Variants in FILIP1 observed in about 807,000 individuals in gnomAD.
The protein encoded by FILIP1 is filamin A interacting protein 1.
Under a neutral mutation model 102.1 loss-of-function variants are expected in FILIP1, and 61 were observed. That is an observed-to-expected ratio of 0.60 (90% CI 0.49 to 0.74). The LOEUF (loss-of-function observed/expected upper bound fraction) is 0.74, where lower values mean the gene tolerates loss of function less well. Among genes scored for constraint, FILIP1 ranks in the 30% least tolerant of loss-of-function variants. FILIP1 has a pLI of 0.00. For missense variants in FILIP1, 1,314 were observed against 1,441.2 expected, an observed-to-expected ratio of 0.91 and a Z score of 1.43; for synonymous variants, 491 against 526.9, an observed-to-expected ratio of 0.93 and a Z score of 0.93.
At chr6:75,441,958 G>A (rs1446373996) in intron 1 of FILIP1, among the ~76,000 whole-genome samples, 1 of 151,760 alleles carries the variant, frequency 6.6e-6, no homozygotes, top group Non-Finnish European at 1.5e-5. Flanking sequence ...CCTCCCGGAC[G>A]GGGTGGCTGC....
intron 3 of FILIP1, among the ~76,000 whole-genome samples, chr6:75,360,472 C>T (rs867790129): frequency 2.0e-5 from 3 of 151,820 alleles, no homozygotes; most frequent in African/African-American, 7.3e-5. Context: ...AAGGAGAAAA[C>T]AAAAACAAAC....
At chr6:75,439,361 C>T (rs546785299) in intron 1 of FILIP1, among the ~76,000 whole-genome samples, 2 of 89,432 alleles carry the variant, frequency 2.2e-5, no homozygotes, top group Non-Finnish European at 4.6e-5. Flanking sequence ...AGCGAGACTC[C>T]GTCCAAAAAA....
Position 75,353,573 on chromosome 6 carries a change from C to T in FILIP1, c.595G>A (p.Asp199Asn), listed in dbSNP as rs1774883970. Residue 199 changes from aspartate to asparagine, a missense_variant, in exon 4 of 6, where the codon GAC (aspartate) becomes AAC (asparagine). Asp to Asn is a conservative substitution (Grantham distance 23). Around this residue, in one of 3 missense-constraint regions of FILIP1, gnomAD observed 494 missense variants for 511.2 expected, o/e 0.97. Coordinates refer to ENST00000237172, the MANE Select transcript of FILIP1 (RefSeq NM_015687.5). ...TCCTGCTCCAGCAGGTTGGTGAAGTCGTCGCTCTTGTTCATGTAGTCAGTG... is the reference window on the plus strand; with the variant it reads ...TCCTGCTCCAGCAGGTTGGTGAAGTTGTCGCTCTTGTTCATGTAGTCAGTG... ...KHTDYMNKSD[D>N]FTNLLEQERE... 8 of 1,614,126 alleles carry T rather than the reference C, an allele frequency of 5.0e-6. No homozygotes were observed. Among genetic ancestry groups the T allele is most frequent in the Non-Finnish European group, 6.8e-6 (8 of 1,180,032 alleles).
At chr6:75,293,664 T>C (rs1346671358) in exon 7 of FILIP1, 1 of 152,200 alleles carries the variant, frequency 6.6e-6, no homozygotes, top group Non-Finnish European at 1.5e-5. Context: ...ACATTTCTTA[T>C]AGTATTTTAA....
At chr6:75,329,864 C>A (rs1210004253) in intron 4 of FILIP1, among the ~76,000 whole-genome samples, 1 of 152,112 alleles carries the variant, frequency 6.6e-6, no homozygotes, top group East Asian at 1.9e-4. Context: ...GTGTAGTAAT[C>A]ACATCAGGGT....
downstream of FILIP1, among the ~76,000 whole-genome samples, chr6:75,303,864 A>G (rs1483316475): frequency 6.6e-6 from 1 of 152,184 alleles, no homozygotes; most frequent in African/African-American, 2.4e-5. Flanking sequence ...GAAGTAGAAT[A>G]TAACCAATCA....
intron 2 of FILIP1, among the ~76,000 whole-genome samples, chr6:75,413,670 GTAAT>G (rs2149686353): frequency 6.6e-6 from 1 of 151,688 alleles, no homozygotes; most frequent in South Asian, 2.1e-4. Context: ...AATTGTTAAA[GTAAT>G]TATTTTTGCA....
chr6:75,330,072 T>G (rs1272120216), intron 4 of FILIP1, among the ~76,000 whole-genome samples: 1 of 152,214 alleles, frequency 6.6e-6, no homozygotes, highest in African/African-American at 2.4e-5. Flanking sequence ...GTTGTACAAC[T>G]GCAGAGTCAG....
At chr6:75,325,731 TA>T (rs201994591) in intron 4 of FILIP1, among the ~76,000 whole-genome samples, 7 of 65,676 alleles carry the variant, frequency 1.1e-4, no homozygotes, top group South Asian at 4.6e-4. Context: ...AATTAAAAAA[TA>T]AAAAAAAATA....
At chr6:75,320,890 T>C (rs1415554766) in intron 4 of FILIP1, among the ~76,000 whole-genome samples, 1 of 152,234 alleles carries the variant, frequency 6.6e-6, no homozygotes, top group Non-Finnish European at 1.5e-5. Context: ...TATCCCTTAC[T>C]ATCTGTCTAC....
intron 4 of FILIP1, among the ~76,000 whole-genome samples, chr6:75,343,854 G>T (rs1382378206): frequency 6.6e-6 from 1 of 152,146 alleles, no homozygotes; most frequent in African/African-American, 2.4e-5. Flanking sequence ...TTTTATTATT[G>T]TAACCCTTGG....
rs202184062 is a variant in FILIP1, at chr6:75,312,475, C to A, written c.3357G>T (p.Arg1119=). The A allele has an allele frequency of 3.5e-5, 56 of 1,613,966 alleles. No individual in the cohort carries two copies. The South Asian group carries it at 5.8e-4, about 17-fold the overall frequency. ...LRSPRNHLSS[R]PGASKVTSTI... is the part of the protein sequence containing the mutation. ...TGCTCGTCACTTTGCTTGCACCAGG[C>A]CGTGAGGAGAGGTGATTCCTGGGAG... The change falls in exon 5 of 6, where the codon CGG becomes CGT. Residue 1119 remains arginine (R), a synonymous_variant. Coordinates refer to ENST00000237172, the MANE Select transcript of FILIP1 (RefSeq NM_015687.5).
chr6:75,364,801 C>A (rs1054538325), intron 2 of FILIP1, among the ~76,000 whole-genome samples: 16 of 152,148 alleles, frequency 1.1e-4, no homozygotes, highest in Admixed American at 6.6e-5. Context: ...TGGCATCATC[C>A]AAAGTAAACT....
intron 2 of FILIP1, among the ~76,000 whole-genome samples, chr6:75,406,512 C>A (rs1023564329): frequency 6.6e-6 from 1 of 152,064 alleles, no homozygotes; most frequent in Non-Finnish European, 1.5e-5. Context: ...CTCATCTATT[C>A]ATCTATCCTA....
chr6:75,427,843 G>C (rs9447478), intron 1 of FILIP1, among the ~76,000 whole-genome samples: 29,653 of 152,016 alleles, frequency 0.2, 2,931 homozygotes, highest in South Asian at 0.23. Context: ...ATTACAGAAT[G>C]GTGTTGAGAA....
chr6:75,395,501 C>G (rs925902469), intron 2 of FILIP1, among the ~76,000 whole-genome samples: 2 of 152,176 alleles, frequency 1.3e-5, no homozygotes, highest in African/African-American at 4.8e-5. Flanking sequence ...TGGTCTCAAA[C>G]TCCTGACCTC....
chr6:75,325,949 C>T (rs991378583), intron 4 of FILIP1, among the ~76,000 whole-genome samples: 5 of 152,168 alleles, frequency 3.3e-5, no homozygotes, highest in Admixed American at 6.5e-5. Context: ...GAAAAAGACA[C>T]TTGCACATGC....
At chr6:75,441,632 C>G (rs902568088) in intron 1 of FILIP1, among the ~76,000 whole-genome samples, 2 of 148,664 alleles carry the variant, frequency 1.3e-5, no homozygotes, top group African/African-American at 5.1e-5. Context: ...ACCTCCCTCC[C>G]GGACGGGGCG....
intron 1 of FILIP1, among the ~76,000 whole-genome samples, chr6:75,457,255 G>T (rs1193323674): frequency 6.6e-6 from 1 of 152,186 alleles, no homozygotes; most frequent in Non-Finnish European, 1.5e-5. Context: ...AAAGCAGTGT[G>T]TTGAGTTTGG....
Sources: gnomAD v4.1 joint callset for allele counts (sites outside exome capture counted in the v4.1 genomes callset) on GRCh38, gnomAD v4.1.1 for gene constraint, gnomAD v4.1.1 regional missense constraint, MANE v1.5 for transcripts, NCBI Gene and HGNC (gene_info 2026-07-23, HGNC 2026-07-21) for gene names.